Variants in SHANK2 observed in about 807,000 individuals in gnomAD.
SHANK2 encodes the protein SH3 and multiple ankyrin repeat domains 2.
A neutral mutation model predicts 133.7 loss-of-function variants in SHANK2; 43 were observed. That is an observed-to-expected ratio of 0.32 (90% CI 0.25 to 0.41). The LOEUF is 0.41. Among genes scored for constraint, SHANK2 ranks in the 10% least tolerant of loss-of-function variants. The pLI is 1.00. For synonymous variants in SHANK2, 1,017 were observed against 952.8 expected (o/e 1.07, Z -1.24); for missense variants, 1,994 against 2,235.8 (o/e 0.89, Z 2.18).
At chr11:70,909,801 C>T (rs1200564268) in intron 10 of SHANK2, among the ~76,000 whole-genome samples, 2 of 152,206 alleles carry the variant, frequency 1.3e-5, no homozygotes, top group African/African-American at 4.8e-5. Context: ...GAATTGAACA[C>T]CATTTTCTGC....
intron 15 of SHANK2, among the ~76,000 whole-genome samples, chr11:70,674,130 T>C (rs1447887507): frequency 2.6e-5 from 4 of 152,140 alleles, no homozygotes; most frequent in African/African-American, 9.7e-5. Context: ...CCTCCTCTCT[T>C]GCCATGTGAT....
At chr11:70,658,252 CACACACACACAG>C in intron 17 of SHANK2, among the ~76,000 whole-genome samples, 7 of 121,880 alleles carry the variant, frequency 5.7e-5, no homozygotes, top group Non-Finnish European at 9.5e-5. Flanking sequence ...CACAGACACA[CACACACACACAG>C]ACACACACAC....
chr11:71,104,062 G>A (rs1276117769), intron 6 of SHANK2, among the ~76,000 whole-genome samples: 11 of 151,928 alleles, frequency 7.2e-5, no homozygotes, highest in Admixed American at 5.2e-4. Flanking sequence ...AGAACCTAGA[G>A]CCAATTAAAC....
chr11:70,487,350 T>C lies in SHANK2; in HGVS notation c.2943A>G (p.Arg981=), dbSNP rs782792041. The C allele has an allele frequency of 6.2e-7, 1 of 1,614,146 alleles. No homozygotes were observed. The highest frequency in any genetic ancestry group is 1.3e-5 in the African/African-American group (1 of 75,044). Residue 981 remains arginine (R), a synonymous_variant, in exon 25 of 26, where the codon AGA becomes AGG. Coordinates refer to ENST00000601538, the MANE Select transcript of SHANK2 (RefSeq NM_012309.5). This position sits in a 1 kb window ranked among gnomAD's most constrained non-coding sequence, Gnocchi z 5.8. The part of the protein sequence containing the change: ...AGPQANFRNK[R]GQMPENPYSE... ...AGTATGGGTTTTCTGGCATCTGGCCTCTCTTGTTGCGGAAGTTGGCTTGCG... is the reference window on the plus strand; with the variant it reads ...AGTATGGGTTTTCTGGCATCTGGCCCCTCTTGTTGCGGAAGTTGGCTTGCG...
intron 19 of SHANK2, 22 bp from the exon 20 acceptor site, chr11:70,501,953 CA>C (rs1368760159): frequency 4.5e-6 from 7 of 1,555,398 alleles, no homozygotes; most frequent in Non-Finnish European, 6.1e-6. Flanking sequence ...CCCAAAAATT[CA>C]AAACAAAACA....
intron 11 of SHANK2, among the ~76,000 whole-genome samples, chr11:70,889,309 G>A (rs996517426): frequency 2.0e-5 from 3 of 152,162 alleles, no homozygotes; most frequent in Non-Finnish European, 4.4e-5. Flanking sequence ...TCAGAGGCAA[G>A]GAAGGATTCC....
chr11:71,221,219 A>T (rs1555121026), intron 2 of SHANK2, among the ~76,000 whole-genome samples: 2 of 152,118 alleles, frequency 1.3e-5, no homozygotes, highest in African/African-American at 4.8e-5. Context: ...AAAAAAAAAA[A>T]AGATGAAGAT....
At chr11:70,808,373 T>C (rs1948207861) in intron 12 of SHANK2, among the ~76,000 whole-genome samples, 1 of 151,912 alleles carries the variant, frequency 6.6e-6, no homozygotes, top group Admixed American at 6.6e-5. Flanking sequence ...GGCTACTTTT[T>C]GTATTTTTAG....
intron 5 of SHANK2, 25 bp from the exon 6 acceptor site, chr11:71,110,074 A>G: frequency 6.8e-7 from 1 of 1,467,920 alleles, no homozygotes; most frequent in African/African-American, 1.4e-5. Context: ...AATACAATTG[A>G]AACATCTTTA....
At position 70,487,854 on chromosome 11, in the gene SHANK2, C is replaced by T; in HGVS notation, c.2573-134G>A. The T allele has an allele frequency of 3.3e-6, 5 of 1,519,332 alleles. No individual in the cohort carries two copies. Among genetic ancestry groups the T allele is most frequent in the Middle Eastern group, 2.2e-4 (1 of 4,576 alleles). 94.1% of individuals were successfully genotyped at this position (1,519,332 alleles called of 1,614,324 possible). A position where few individuals can be genotyped will look rare whatever the true frequency, so the allele number is the denominator to read the frequency against. On this transcript the variant is annotated intron_variant, in intron 24 of 25. Transcript: ENST00000601538. This position sits in a 1 kb window ranked among gnomAD's most constrained non-coding sequence, Gnocchi z 5.8. The stretch of plus-strand genomic sequence containing the variant: ...AACCGGATGTTCAGGAAACACAGCA[C>T]AAGCCACGATGCCGAGTGGTTAGTC...
intron 17 of SHANK2, among the ~76,000 whole-genome samples, chr11:70,623,243 G>A (rs1484349341): frequency 2.0e-5 from 3 of 151,354 alleles, no homozygotes; most frequent in East Asian, 1.9e-4. Flanking sequence ...CACCCTTCCC[G>A]CACTTGGGTG....
chr11:70,649,828 A>G (rs1232954710), intron 17 of SHANK2, among the ~76,000 whole-genome samples: 1 of 152,214 alleles, frequency 6.6e-6, no homozygotes, highest in Admixed American at 6.5e-5. Context: ...TTACATCCCA[A>G]TGATCTGGGA....
At position 71,168,148 on chromosome 11, in the gene SHANK2, C is replaced by T. The variant is rs1444951552; in HGVS notation, c.-12-20810G>A. Among the ~76,000 whole-genome samples, 44 of 133,232 alleles carry T rather than the reference C, an allele frequency of 3.3e-4. 3 individuals carry two copies. The highest frequency in any genetic ancestry group is 1.3e-3 in the African/African-American group (43 of 33,010). The allele number at this position is 133,232 out of a possible 152,430, so 87.4% of individuals were successfully genotyped here. ...GCAGAGGGTCTCCTCACTTCTCAGA[C>T]GGGGTGGCCGGGCAGAGACGCTCCT... On this transcript the variant is annotated intron_variant, in intron 2 of 25. Transcript: ENST00000601538.
intron 14 of SHANK2, among the ~76,000 whole-genome samples, chr11:70,748,280 G>A (rs565119127): frequency 6.6e-6 from 1 of 152,246 alleles, no homozygotes; most frequent in African/African-American, 2.4e-5. Flanking sequence ...CAAGAGACAC[G>A]CTGTTCTGAA....
chr11:70,560,701 G>A (rs374035931), intron 17 of SHANK2, among the ~76,000 whole-genome samples: 8 of 150,144 alleles, frequency 5.3e-5, no homozygotes, highest in Admixed American at 4.0e-4. Context: ...GCACGATCTC[G>A]GCTCACTGTG....
At chr11:70,706,841 G>A (rs1330353466) in intron 14 of SHANK2, among the ~76,000 whole-genome samples, 7 of 152,114 alleles carry the variant, frequency 4.6e-5, no homozygotes, top group Admixed American at 4.6e-4. Context: ...GCTTCAGACT[G>A]TCAGCATTTA....
At chr11:70,528,824 G>A (rs1315356356) in intron 17 of SHANK2, among the ~76,000 whole-genome samples, 9 of 152,138 alleles carry the variant, frequency 5.9e-5, no homozygotes, top group African/African-American at 2.2e-4. Flanking sequence ...CGAGCTGGGA[G>A]AAGCACAGCA....
At chr11:70,553,830 C>T (rs534514728) in intron 17 of SHANK2, among the ~76,000 whole-genome samples, 5 of 152,202 alleles carry the variant, frequency 3.3e-5, no homozygotes, top group Admixed American at 6.5e-5. Context: ...TTAACACCCC[C>T]TCAGTGAATA....
chr11:70,524,897 C>T (rs2059376719), intron 17 of SHANK2, among the ~76,000 whole-genome samples: 1 of 152,272 alleles, frequency 6.6e-6, no homozygotes, highest in South Asian at 2.1e-4. Context: ...CTCACACGCA[C>T]ACAGGCACGA....
Sources: gnomAD v4.1 joint callset for allele counts (sites outside exome capture counted in the v4.1 genomes callset) on GRCh38, gnomAD v4.1.1 for gene constraint, Gnocchi (gnomAD v3.1) non-coding constraint, MANE v1.5 for transcripts, NCBI Gene and HGNC (gene_info 2026-07-23, HGNC 2026-07-21) for gene names.